The following ESRRG variants were observed in gnomAD, a reference collection of about 807,000 sequenced individuals.
The protein encoded by ESRRG is estrogen-related receptor gamma.
A neutral mutation model predicts 44.0 loss-of-function variants in ESRRG; 13 were observed. That is an observed-to-expected ratio of 0.30 (90% CI 0.19 to 0.47). The LOEUF is 0.47. ESRRG is among the 20% of genes least tolerant of loss of function. The pLI, the probability that ESRRG is intolerant of heterozygous loss-of-function variation, is 1.00. For synonymous variants in ESRRG, 215 were observed against 214.6 expected (o/e 1.00, Z -0.02); for missense variants, 395 against 580.6 (o/e 0.68, Z 3.29).
At chr1:216,631,267 G>A (rs2064129033) in intron 3 of ESRRG, among the ~76,000 whole-genome samples, 1 of 152,176 alleles carries the variant, frequency 6.6e-6, no homozygotes, top group Non-Finnish European at 1.5e-5. Flanking sequence ...CGTTCAAACT[G>A]TGTATGTATA....
chr1:216,859,143 C>A (rs190376354), intron 2 of ESRRG, among the ~76,000 whole-genome samples: 5 of 152,220 alleles, frequency 3.3e-5, no homozygotes, highest in African/African-American at 9.6e-5. Context: ...GATAAAGCAA[C>A]AAGGACCAGA....
chr1:217,134,212 C>A (rs986152293), intron 1 of ESRRG, among the ~76,000 whole-genome samples: 1 of 152,106 alleles, frequency 6.6e-6, no homozygotes, highest in African/African-American at 2.4e-5. Context: ...CGGGGAACTT[C>A]GGGCGCACAC....
At chr1:217,017,631 C>T (rs2079615205) in intron 1 of ESRRG, among the ~76,000 whole-genome samples, 1 of 152,046 alleles carries the variant, frequency 6.6e-6, no homozygotes, top group Admixed American at 6.6e-5. Flanking sequence ...TTATTTTAGG[C>T]AAGTCACCTA....
At chr1:216,974,874 C>T (rs1358424535) in intron 1 of ESRRG, among the ~76,000 whole-genome samples, 3 of 146,166 alleles carry the variant, frequency 2.1e-5, no homozygotes, top group African/African-American at 2.5e-5. Flanking sequence ...TCCTTTTGTG[C>T]TTTTTTTTTT....
chr1:216,887,878 T>C (rs996679504), intron 2 of ESRRG, among the ~76,000 whole-genome samples: 1 of 152,218 alleles, frequency 6.6e-6, no homozygotes, highest in Non-Finnish European at 1.5e-5. Context: ...AAATGTTAGT[T>C]TTCAGTCTCC....
intron 3 of ESRRG, among the ~76,000 whole-genome samples, chr1:216,605,791 A>G (rs778231725): frequency 1.3e-5 from 2 of 152,114 alleles, no homozygotes; most frequent in African/African-American, 2.4e-5. Flanking sequence ...AAACTATGAA[A>G]GAGAAAAGTA....
At chr1:216,997,289 T>C (rs1197048921) in intron 1 of ESRRG, among the ~76,000 whole-genome samples, 2 of 152,208 alleles carry the variant, frequency 1.3e-5, no homozygotes, top group South Asian at 2.1e-4. Flanking sequence ...ACCAAAACAC[T>C]TGGCCTCTCA....
At chr1:216,522,250 C>A (rs1278834810) in intron 5 of ESRRG, among the ~76,000 whole-genome samples, 1 of 125,428 alleles carries the variant, frequency 8.0e-6, no homozygotes, top group Non-Finnish European at 1.6e-5. Flanking sequence ...GAAGAAACAG[C>A]TCTCCTTTTT....
chr1:216,883,434 T>A (rs1261981911), intron 2 of ESRRG, among the ~76,000 whole-genome samples: 2 of 147,758 alleles, frequency 1.4e-5, no homozygotes, highest in Non-Finnish European at 3.0e-5. Flanking sequence ...CTCAGTGTGA[T>A]TGCCATGAAC....
chr1:216,994,721 A>G (rs749460394), intron 1 of ESRRG, among the ~76,000 whole-genome samples: 16 of 151,660 alleles, frequency 1.1e-4, no homozygotes, highest in Non-Finnish European at 1.9e-4. Context: ...AGCTGGGACT[A>G]CAGGTGCCCA....
At chr1:217,084,189 G>T (rs2091941520) in intron 1 of ESRRG, among the ~76,000 whole-genome samples, 1 of 150,642 alleles carries the variant, frequency 6.6e-6, no homozygotes, top group Non-Finnish European at 1.5e-5. Flanking sequence ...AGGGAACTCT[G>T]ACAATAGGAT....
At chr1:217,050,750 C>A (rs2085802262) in intron 1 of ESRRG, among the ~76,000 whole-genome samples, 1 of 152,122 alleles carries the variant, frequency 6.6e-6, no homozygotes, top group African/African-American at 2.4e-5. Flanking sequence ...ATGGTCACAG[C>A]AGATAGACTC....
chr1:216,919,947 T>C (rs1012037661), intron 2 of ESRRG, among the ~76,000 whole-genome samples: 3 of 152,198 alleles, frequency 2.0e-5, no homozygotes, highest in African/African-American at 4.8e-5. Context: ...CATCTTGTTA[T>C]GTTATTCAGG....
At chr1:216,879,978 T>C (rs1160327833) in intron 2 of ESRRG, among the ~76,000 whole-genome samples, 14 of 152,094 alleles carry the variant, frequency 9.2e-5, no homozygotes, top group Non-Finnish European at 4.4e-5. Context: ...TGTGTATTTA[T>C]TTAAAATTAT....
intron 2 of ESRRG, among the ~76,000 whole-genome samples, chr1:216,658,240 GC>G (rs756685396): frequency 2.0e-5 from 3 of 152,002 alleles, no homozygotes; most frequent in Non-Finnish European, 4.4e-5. Context: ...AAAATGCTTA[GC>G]TTTTAAAAAT....
In ESRRG at chr1:216,872,750, A is replaced by C. The variant is rs556290603; in HGVS notation, c.-14+66832T>G. Among the ~76,000 whole-genome samples the C allele has an allele frequency of 2.6e-5, 4 of 152,262 alleles. No homozygotes were observed. The South Asian group carries it at 8.3e-4, about 32-fold the overall frequency. On this transcript the variant is annotated intron_variant, in intron 2 of 7. Transcript: ENST00000359162. ...TGCTTGTTGGAACAATTTTTATAAT[A>C]GTTTCTCCAAAAGGCTGTTAGAAAA...
chr1:217,056,735 C>A (rs2087176470), intron 1 of ESRRG, among the ~76,000 whole-genome samples: 1 of 150,676 alleles, frequency 6.6e-6, no homozygotes, highest in African/African-American at 2.4e-5. Context: ...TAACAAAACC[C>A]CAAATCCCTG....
chr1:217,030,589 T>C (rs577261673), intron 1 of ESRRG, among the ~76,000 whole-genome samples: 1 of 152,334 alleles, frequency 6.6e-6, no homozygotes, highest in African/African-American at 2.4e-5. Flanking sequence ...TTAGACAAGA[T>C]CTCTAAGCCT....
chr1:216,719,302 G>T (rs1212606536), intron 1 of ESRRG, among the ~76,000 whole-genome samples: 3 of 151,888 alleles, frequency 2.0e-5, no homozygotes, highest in Non-Finnish European at 4.4e-5. Context: ...CAAAAGTATG[G>T]CCCGGCTAAT....
Sources: gnomAD v4.1 joint callset for allele counts (sites outside exome capture counted in the v4.1 genomes callset) on GRCh38, gnomAD v4.1.1 for gene constraint, MANE v1.5 for transcripts, NCBI Gene and HGNC (gene_info 2026-07-23, HGNC 2026-07-21) for gene names.